The following ZNF155 variants were observed in gnomAD, a reference collection of about 807,000 sequenced individuals.
The protein encoded by ZNF155 is zinc finger protein 155.
A neutral mutation model predicts 11.9 loss-of-function variants in ZNF155; 15 were observed. That is an observed-to-expected ratio of 1.26 (90% CI 0.84 to 1.94). The LOEUF (loss-of-function observed/expected upper bound fraction) is 1.94, where lower values mean the gene tolerates loss of function less well. Among genes scored for constraint, ZNF155 ranks in the 30% most tolerant of loss-of-function variants. ZNF155 has a pLI of 0.00. For synonymous variants in ZNF155, 212 were observed against 219.9 expected (o/e 0.96, Z 0.32); for missense variants, 602 against 639.1 (o/e 0.94, Z 0.63).
In ZNF155 at chr19:43,996,388, A is replaced by G. The variant is rs143657633; in HGVS notation, c.531A>G (p.Thr177=). ...TATACTCAGAAGAGAAGTCTTATAC[A>G]TGTGATGAGTGTGGAAAAAGCATCT... is the stretch of plus-strand genomic sequence containing the variant. ...QQLYSEEKSY[T]CDECGKSICY... is the part of the protein sequence containing the mutation. The change falls in exon 5 of 5, where the codon ACA becomes ACG. Residue 177 remains threonine (T), a synonymous_variant. Coordinates refer to ENST00000270014, the MANE Select transcript of ZNF155 (RefSeq NM_198089.3). The G allele has an allele frequency of 2.1e-4, 346 of 1,614,088 alleles. 2 individuals are homozygous for G. Among genetic ancestry groups the G allele is most frequent in the Admixed American group, 6.5e-4 (39 of 60,010 alleles).
rs1201187651 is a variant in ZNF155 at position 43,996,760 on chromosome 19, A to G, written c.903A>G (p.Ser301=). ...GTGGTAAGACCTTCTATTTTAGGTC[A>G]AGACTTAAGAGCCATTCCATGGTTC... ...DICGKTFYFR[S]RLKSHSMVHT... Residue 301 remains serine (S), a synonymous_variant, in exon 5 of 5, where the codon TCA becomes TCG. Transcript: ENST00000270014. 1.2e-6 allele frequency: 2 copies of G among 1,614,084 alleles called. No individual in the cohort carries two copies. The highest frequency in any genetic ancestry group is 1.7e-5 in the Admixed American group (1 of 60,006).
chr19:43,986,449 GTTT>G (rs869271791), intron 1 of ZNF155, among the ~76,000 whole-genome samples: 2 of 58,024 alleles, frequency 3.4e-5, no homozygotes, highest in Admixed American at 4.5e-4. Flanking sequence ...TCCCATTTGT[GTTT>G]TTTTTTTTTT....
Position 43,988,573 on chromosome 19 carries a change from C to T in ZNF155, c.15+15C>T. The T allele has an allele frequency of 6.3e-7, 1 of 1,596,694 alleles. No individual in the cohort carries two copies. On this transcript the variant is annotated intron_variant, in intron 2 of 4. Coordinates refer to ENST00000270014, the MANE Select transcript of ZNF155 (RefSeq NM_198089.3). The stretch of plus-strand genomic sequence containing the variant: ...CCACATTCAAGGTGAGGGGGGCGTG[C>T]CTCTCTCGCTGTTAAAATTCCATGT...
At chr19:43,987,366 CT>C (rs1388587684) in intron 1 of ZNF155, among the ~76,000 whole-genome samples, 1 of 152,100 alleles carries the variant, frequency 6.6e-6, no homozygotes, top group African/African-American at 2.4e-5. Flanking sequence ...CAGCCTTTTT[CT>C]TTAATATATG....
In ZNF155 at chr19:43,991,851, C is replaced by T. The variant is rs141365563; in HGVS notation, c.152C>T (p.Pro51Leu). Residue 51 changes from proline (P) to leucine (L), a missense_variant, in exon 4 of 5, where the codon CCG becomes CTG. Physicochemically the swap from Pro to Leu is moderately conservative, Grantham distance 98. Coordinates refer to ENST00000270014, the MANE Select transcript of ZNF155 (RefSeq NM_198089.3). The part of the protein sequence containing the change: ...FRNLLSVGHQ[P>L]FHQDTCHFLR... ...CCTTACCTATTCACAGGGCATCAAC[C>T]GTTCCACCAAGATACTTGCCACTTC... 3.0e-5 allele frequency: 49 copies of T among 1,613,548 alleles called. No individual in the cohort carries two copies. The highest frequency in any genetic ancestry group is 4.4e-5 in the South Asian group (4 of 91,044).
chr19:43,993,184 T>C (rs1975723182), intron 4 of ZNF155, among the ~76,000 whole-genome samples: 3 of 152,220 alleles, frequency 2.0e-5, no homozygotes, highest in Non-Finnish European at 2.9e-5. Flanking sequence ...ATTTACTCTA[T>C]TTCTGGTCCT....
intron 4 of ZNF155, 36 bp from the exon 5 acceptor site, chr19:43,996,057 C>T (rs373374838): frequency 1.3e-6 from 2 of 1,552,736 alleles, no homozygotes; most frequent in East Asian, 4.5e-5. Context: ...ATAAAGGCTT[C>T]ACCTGTACAC....
intron 4 of ZNF155, among the ~76,000 whole-genome samples, chr19:43,995,189 G>A (rs1599843882): frequency 6.6e-6 from 1 of 151,196 alleles, no homozygotes; most frequent in South Asian, 2.1e-4. Flanking sequence ...TCAGCTCACT[G>A]CAACCTCTGC....
In ZNF155 at chr19:43,986,767, A is replaced by G. The variant is rs745559908; in HGVS notation, c.-85-1692A>G. Reference sequence around the variant, plus strand: ...CCCAGCCCCCATTGTTATCATCCTTATGACTATTTCCTGATAGTTGAAAAC... The same window carrying G: ...CCCAGCCCCCATTGTTATCATCCTTGTGACTATTTCCTGATAGTTGAAAAC... On this transcript the variant is annotated intron_variant, in intron 1 of 4. Coordinates refer to ENST00000270014, the MANE Select transcript of ZNF155 (RefSeq NM_198089.3). Among the ~76,000 whole-genome samples, 4 of 152,218 alleles carry G rather than the reference A, an allele frequency of 2.6e-5. No individual in the cohort carries two copies. The East Asian group carries it at 5.8e-4, about 22-fold the overall frequency.
chr19:43,986,291 T>C (rs907758836), intron 1 of ZNF155, among the ~76,000 whole-genome samples: 1 of 152,166 alleles, frequency 6.6e-6, no homozygotes, highest in Admixed American at 6.5e-5. Context: ...CTGTGTCTAT[T>C]GTATATTTAT....
chr19:43,997,481 A>T lies in ZNF155; in HGVS notation c.*7A>T. On this transcript the variant is annotated 3_prime_UTR_variant, in exon 5 of 5. Coordinates refer to ENST00000270014, the MANE Select transcript of ZNF155 (RefSeq NM_198089.3). Reference sequence around the variant, plus strand: ...ATTTCTAAATGACACATAATTGTTCATATTTATGGGGTACAACGTGCTATT... The same window carrying T: ...ATTTCTAAATGACACATAATTGTTCTTATTTATGGGGTACAACGTGCTATT... 6.3e-7 allele frequency: 1 copy of T among 1,580,898 alleles called. No individual in the cohort carries two copies. The highest frequency in any genetic ancestry group is 1.2e-5 in the South Asian group (1 of 86,462).
Position 43,996,936 on chromosome 19 carries a change from A to G in ZNF155, c.1079A>G (p.Tyr360Cys), listed in dbSNP as rs186758167. ...GKGFIGRLDFYKHQVVHTGEK... is the reference protein window; with the variant it reads ...GKGFIGRLDFCKHQVVHTGEK... ...GGCTTTATTGGTAGGCTAGATTTTT[A>G]TAAGCATCAGGTGGTCCACACAGGA... is the stretch of plus-strand genomic sequence containing the variant. Residue 360 changes from tyrosine (Y) to cysteine (C), a missense_variant, in exon 5 of 5, where the codon TAT becomes TGT. Transcript: ENST00000270014. The G allele has an allele frequency of 1.2e-5, 19 of 1,610,068 alleles. No individual in the cohort carries two copies. Among genetic ancestry groups the G allele is most frequent in the Non-Finnish European group, 1.6e-5 (19 of 1,177,480 alleles).
At chr19:43,995,090 TC>T (rs1285958409) in intron 4 of ZNF155, among the ~76,000 whole-genome samples, 4 of 151,578 alleles carry the variant, frequency 2.6e-5, no homozygotes, top group Non-Finnish European at 4.4e-5. Context: ...AGTCCCAACC[TC>T]TTTTTGGTTA....
In ZNF155 at chr19:43,996,170, G is replaced by A. The variant is rs1353164890; in HGVS notation, c.313G>A (p.Glu105Lys). ...AGAGTGGTCCTGCCAGCAAATCTGG[G>A]AACAAATTGCAAAAGACTTAACCAG... ...HEEWSCQQIW[E>K]QIAKDLTRSQ... The change falls in exon 5 of 5, where the codon GAA (glutamate) becomes AAA (lysine). Residue 105 changes from glutamate (E) to lysine (K), a missense_variant. Physicochemically the swap from Glu to Lys is moderately conservative, Grantham distance 56. Coordinates refer to ENST00000270014, the MANE Select transcript of ZNF155 (RefSeq NM_198089.3). 6.2e-6 allele frequency: 10 copies of A among 1,614,094 alleles called. No individual in the cohort carries two copies. Among genetic ancestry groups the A allele is most frequent in the Non-Finnish European group, 6.8e-6 (8 of 1,179,978 alleles).
rs1288432337 is a variant in ZNF155 at position 43,996,478 on chromosome 19, T to C, written c.621T>C (p.Asp207=). The change falls in exon 5 of 5, where the codon GAT becomes GAC. Residue 207 remains aspartate (D), a synonymous_variant. Coordinates refer to ENST00000270014, the MANE Select transcript of ZNF155 (RefSeq NM_198089.3). Reference sequence around the variant, plus strand: ...TGGGAGAGAAACTCTTTATGTGTGATGTGTGTGGCAAGGAATTTAGTCAAA... The same window carrying C: ...TGGGAGAGAAACTCTTTATGTGTGACGTGTGTGGCAAGGAATTTAGTCAAA... ...VHVGEKLFMC[D]VCGKEFSQSS... The C allele has an allele frequency of 1.9e-6, 3 of 1,614,226 alleles. No individual in the cohort carries two copies. The highest frequency in any genetic ancestry group is 1.6e-4 in the Middle Eastern group (1 of 6,062).
At chr19:43,988,352 A>G (rs1975534234) in intron 1 of ZNF155, 107 bp from the exon 2 acceptor site, 1 of 431,288 alleles carries the variant, frequency 2.3e-6, no homozygotes, top group African/African-American at 2.0e-5. Flanking sequence ...CTATCCATTT[A>G]CCCAGAGGAA....
rs910677345 is a variant in ZNF155 at position 43,994,245 on chromosome 19, T to C, written c.236-1848T>C. Among the ~76,000 whole-genome samples, 3 of 152,170 alleles carry C rather than the reference T, an allele frequency of 2.0e-5. No homozygotes were observed. The East Asian group carries it at 5.8e-4, about 29-fold the overall frequency. The stretch of plus-strand genomic sequence containing the variant: ...CCCCTGGAAGGACAGCCTTTCAGAT[T>C]CCCCTCAAAACTGTAGTTGTGTGTC... On this transcript the variant is annotated intron_variant, in intron 4 of 4. Coordinates refer to ENST00000270014, the MANE Select transcript of ZNF155 (RefSeq NM_198089.3).
In ZNF155 at chr19:43,984,908, CAG is replaced by C. The variant is rs1158402385; in HGVS notation, c.-86+666_-86+667del. On this transcript the variant is annotated intron_variant, in intron 1 of 4. Coordinates refer to ENST00000270014, the MANE Select transcript of ZNF155 (RefSeq NM_198089.3). ...TTAACTTGTATCCGGGACGGCGACGCAGAGTGTTTGACAGCTTTCTCCTTCCC... is the reference window on the plus strand; with the variant it reads ...TTAACTTGTATCCGGGACGGCGACGCAGTGTTTGACAGCTTTCTCCTTCCC... Among the ~76,000 whole-genome samples, 12 of 152,282 alleles carry C rather than the reference CAG, an allele frequency of 7.9e-5. No homozygotes were observed. In the East Asian group the frequency reaches 1.7e-3, roughly 22 times the overall value.
At chr19:43,985,454 T>C (rs1975403780) in intron 1 of ZNF155, among the ~76,000 whole-genome samples, 1 of 152,024 alleles carries the variant, frequency 6.6e-6, no homozygotes, top group Admixed American at 6.6e-5. Context: ...CCTTAATTGG[T>C]AACTTAATTC....
Sources: allele counts gnomAD v4.1 joint callset (sites outside exome capture counted in the v4.1 genomes callset), GRCh38; gene constraint gnomAD v4.1.1; transcripts MANE v1.5; gene names NCBI Gene and HGNC (gene_info 2026-07-23, HGNC 2026-07-21).